Variants in SAMMSON observed in about 807,000 individuals in gnomAD.
SAMMSON encodes survival associated mitochondrial melanoma specific oncogenic non-coding RNA, also known as long intergenic non-protein coding RNA 1212.
chr3:70,024,781 C>T (rs1342829516), intron 3 of SAMMSON: 1 of 152,208 alleles, frequency 6.6e-6, no homozygotes, highest in East Asian at 1.9e-4. Context: ...AGATGAGAAT[C>T]TAAACTGAAT....
chr3:70,067,389 G>A (rs1208704082), intron 3 of SAMMSON, among the ~76,000 whole-genome samples: 1 of 151,960 alleles, frequency 6.6e-6, no homozygotes, highest in Non-Finnish European at 1.5e-5. Flanking sequence ...AATTAGATGG[G>A]TGGGAGATTC....
In SAMMSON at chr3:70,018,037, A is replaced by G. The variant is rs1416059497; in HGVS notation, n.417+4365A>G. 2.6e-5 allele frequency among the ~76,000 whole-genome samples: 4 copies of G among 152,224 alleles called. No individual in the cohort carries two copies. In the East Asian group the frequency reaches 5.8e-4, roughly 22 times the overall value. On this transcript the variant is annotated intron_variant and non_coding_transcript_variant, in intron 3 of 9. Transcript: ENST00000642114. ...CGATGTTCATCAGGGATATTGGTCT[A>G]AAATTCTCTTTTTTTGTTGTGTCTC...
At chr3:70,074,258 C>T (rs980988356) in intron 4 of SAMMSON, among the ~76,000 whole-genome samples, 2 of 152,000 alleles carry the variant, frequency 1.3e-5, no homozygotes, top group Non-Finnish European at 2.9e-5. Context: ...AGATAAGATA[C>T]TAGAGCCATA....
chr3:70,368,214 A>G (rs751733511), intron 9 of SAMMSON, among the ~76,000 whole-genome samples: 5 of 151,608 alleles, frequency 3.3e-5, no homozygotes, highest in Non-Finnish European at 7.4e-5. Flanking sequence ...ATTTCATCCA[A>G]TGTTTTCTTA....
chr3:70,101,883 A>G (rs1233429212), intron 4 of SAMMSON, among the ~76,000 whole-genome samples: 1 of 152,220 alleles, frequency 6.6e-6, no homozygotes, highest in African/African-American at 2.4e-5. Flanking sequence ...AAACATAGAC[A>G]AAATGTAGAA....
chr3:70,102,469 T>C (rs1181844606), intron 4 of SAMMSON, among the ~76,000 whole-genome samples: 1 of 152,234 alleles, frequency 6.6e-6, no homozygotes, highest in Non-Finnish European at 1.5e-5. Flanking sequence ...GGGATCTTTC[T>C]GAGAATCCCA....
chr3:70,414,480 A>C (rs1251940647), intron 2 of SAMMSON, among the ~76,000 whole-genome samples: 1 of 152,164 alleles, frequency 6.6e-6, no homozygotes, highest in Non-Finnish European at 1.5e-5. Flanking sequence ...CTATACCTGC[A>C]CTTAGTAAGA....
intron 2 of SAMMSON, among the ~76,000 whole-genome samples, chr3:70,398,971 C>A (rs1352389711): frequency 6.6e-6 from 1 of 152,132 alleles, no homozygotes; most frequent in Non-Finnish European, 1.5e-5. Flanking sequence ...CTTAATTCAT[C>A]CTTTAGCAAT....
At chr3:70,357,587 G>C (rs2106738126) in intron 8 of SAMMSON, among the ~76,000 whole-genome samples, 1 of 152,164 alleles carries the variant, frequency 6.6e-6, no homozygotes, top group East Asian at 1.9e-4. Flanking sequence ...GGCCTGCTGG[G>C]GGCTGGGAGG....
intron 2 of SAMMSON, among the ~76,000 whole-genome samples, chr3:70,427,771 C>G (rs1472193687): frequency 6.6e-6 from 1 of 151,506 alleles, no homozygotes; most frequent in African/African-American, 2.4e-5. Flanking sequence ...CAAAAGATCT[C>G]TCTAATTAGT....
intron 3 of SAMMSON, chr3:70,068,489 A>G (rs2067218388): frequency 6.6e-6 from 1 of 152,058 alleles, no homozygotes; most frequent in Non-Finnish European, 1.5e-5. Flanking sequence ...AAATGTGCTT[A>G]TTTGGAAGGT....
At chr3:70,430,840 T>C (rs1473209554) in intron 2 of SAMMSON, among the ~76,000 whole-genome samples, 1 of 152,170 alleles carries the variant, frequency 6.6e-6, no homozygotes, top group African/African-American at 2.4e-5. Flanking sequence ...GCAATATAGT[T>C]ATAATTTATT....
intron 9 of SAMMSON, among the ~76,000 whole-genome samples, chr3:70,361,533 T>G (rs1702870511): frequency 6.6e-6 from 1 of 152,178 alleles, no homozygotes; most frequent in South Asian, 2.1e-4. Context: ...CACTCTCATC[T>G]CGCTGCAGCA....
downstream of SAMMSON, among the ~76,000 whole-genome samples, chr3:70,394,821 A>G (rs1701078012): frequency 6.6e-6 from 1 of 152,320 alleles, no homozygotes; most frequent in Admixed American, 6.5e-5. Context: ...TCCAGGAACC[A>G]AGAGCTGATT....
At chr3:70,316,156 G>C (rs915895254) in intron 7 of SAMMSON, among the ~76,000 whole-genome samples, 1 of 152,012 alleles carries the variant, frequency 6.6e-6, no homozygotes, top group Non-Finnish European at 1.5e-5. Flanking sequence ...GATAATCTTT[G>C]CTAACAGAGT....
Position 70,261,803 on chromosome 3 carries a change from C to T in SAMMSON, n.674+12133C>T, listed in dbSNP as rs909726509. 1.7e-4 allele frequency among the ~76,000 whole-genome samples: 26 copies of T among 152,142 alleles called. No individual in the cohort carries two copies. In the South Asian group the frequency reaches 2.5e-3, roughly 15 times the overall value. On this transcript the variant is annotated intron_variant and non_coding_transcript_variant, in intron 6 of 9. Coordinates refer to ENST00000642114, the Ensembl canonical transcript of SAMMSON. ...GCATTTGAAACCAAGATTTCCTCCC[C>T]GTGGAACCAAGAAGACTAGGATGTG...
chr3:70,356,715 T>C (rs1575632700), intron 8 of SAMMSON, among the ~76,000 whole-genome samples: 1 of 152,162 alleles, frequency 6.6e-6, no homozygotes, highest in South Asian at 2.1e-4. Flanking sequence ...TGTGTTTTCA[T>C]GAATGAGCAG....
intron 4 of SAMMSON, among the ~76,000 whole-genome samples, chr3:70,115,409 T>C (rs2067406637): frequency 6.6e-6 from 1 of 152,230 alleles, no homozygotes; most frequent in Non-Finnish European, 1.5e-5. Context: ...AAAAGTTACC[T>C]CTTCAAAGAT....
At chr3:70,192,922 T>C (rs1354882974) in intron 4 of SAMMSON, among the ~76,000 whole-genome samples, 1 of 152,178 alleles carries the variant, frequency 6.6e-6, no homozygotes, top group Non-Finnish European at 1.5e-5. Context: ...TAGATATTTG[T>C]TGGTGGGCGC....
Sources: gnomAD v4.1 joint callset for allele counts (sites outside exome capture counted in the v4.1 genomes callset) on GRCh38, gnomAD v4.1.1 for gene constraint, MANE v1.5 for transcripts, NCBI Gene and HGNC (gene_info 2026-07-23, HGNC 2026-07-21) for gene names.